TYW1B: variants seen among roughly 807,000 people sequenced by gnomAD.
TYW1B encodes S-adenosyl-L-methionine-dependent tRNA 4-demethylwyosine synthase TYW1B.
Under a neutral mutation model 86.9 loss-of-function variants are expected in TYW1B, and 73 were observed. The observed-to-expected ratio is 0.84, with a 90% CI of 0.70 to 1.02. The LOEUF (loss-of-function observed/expected upper bound fraction) is 1.02. TYW1B is among the 50% of genes least tolerant of loss of function. The pLI is 0.00. For missense variants in TYW1B, 637 were observed against 827.4 expected, an observed-to-expected ratio of 0.77 and a Z score of 2.82; for synonymous variants, 248 against 292.8, an observed-to-expected ratio of 0.85 and a Z score of 1.56.
At chr7:72,689,484 C>T (rs1814088655) in intron 11 of TYW1B, among the ~76,000 whole-genome samples, 1 of 152,102 alleles carries the variant, frequency 6.6e-6, no homozygotes, top group Non-Finnish European at 1.5e-5. Flanking sequence ...GTGCTAAGGA[C>T]AGAAAATGTG....
chr7:72,585,189 C>T (rs1312786799), intron 13 of TYW1B, among the ~76,000 whole-genome samples: 1 of 152,190 alleles, frequency 6.6e-6, no homozygotes, highest in Non-Finnish European at 1.5e-5. Context: ...TTGTATCATT[C>T]AGCTGGCCCC....
intron 10 of TYW1B, among the ~76,000 whole-genome samples, chr7:72,704,814 C>A (rs1323409276): frequency 6.6e-6 from 1 of 151,966 alleles, no homozygotes; most frequent in Non-Finnish European, 1.5e-5. Context: ...CAGAAAGACA[C>A]CAGGAGATCC....
intron 13 of TYW1B, among the ~76,000 whole-genome samples, chr7:72,583,543 GTTT>G: frequency 7.1e-6 from 1 of 140,112 alleles, no homozygotes; most frequent in East Asian, 2.0e-4. Context: ...GCTGTTTTTT[GTTT>G]TTGTTTTGTT....
chr7:72,626,605 C>T lies in TYW1B; in HGVS notation c.1617+2282G>A, dbSNP rs1303550831. ...TTTCCTGTATCTCAGCAAACAGTTT[C>T]GCCATCCACGCAATGGCTTAAGCCA... On this transcript the variant is annotated intron_variant, in intron 12 of 13. Coordinates refer to ENST00000620995, the MANE Select transcript of TYW1B (RefSeq NM_001145440.3). Among the ~76,000 whole-genome samples, 10 of 152,154 alleles carry T rather than the reference C, an allele frequency of 6.6e-5. No individual in the cohort carries two copies. In the South Asian group the frequency reaches 1.4e-3, roughly 22 times the overall value.
intron 13 of TYW1B, among the ~76,000 whole-genome samples, chr7:72,600,414 G>A (rs545984682): frequency 3.5e-4 from 54 of 152,158 alleles, no homozygotes; most frequent in African/African-American, 1.2e-3. Flanking sequence ...AAAATAGCAC[G>A]GGAGGAAATC....
intron 12 of TYW1B, among the ~76,000 whole-genome samples, chr7:72,626,946 A>T (rs1812362538): frequency 6.6e-6 from 1 of 151,848 alleles, no homozygotes; most frequent in Admixed American, 6.6e-5. Flanking sequence ...AAAGCTTACC[A>T]TCAAACTTAG....
intron 12 of TYW1B, among the ~76,000 whole-genome samples, chr7:72,626,600 A>G (rs1585858265): frequency 6.6e-6 from 1 of 152,188 alleles, no homozygotes; most frequent in East Asian, 1.9e-4. Context: ...CTCAGCAAAC[A>G]GTTTCGCCAT....
Position 72,763,282 on chromosome 7 carries a change from C to CT in TYW1B, c.964+14133dup, listed in dbSNP as rs1328471948. On this transcript the variant is annotated intron_variant, in intron 7 of 13. Transcript: ENST00000620995. ...AAGGTTTTGTTTTTTCTTTTCTTTT[C>CT]TTTTTTTTTTTTTTTTTGAGATGGA... Among the ~76,000 whole-genome samples the CT allele has an allele frequency of 1.5e-3, 172 of 118,396 alleles. 1 individual carries two copies. The highest frequency in any genetic ancestry group is 1.8e-3 in the African/African-American group (56 of 31,706). 77.7% of individuals were successfully genotyped at this position (118,396 alleles called of 152,430 possible).
chr7:72,662,418 T>TACAG lies in TYW1B; in HGVS notation c.1506+32268_1506+32269insCTGT, dbSNP rs1293459145. 1.7e-3 allele frequency among the ~76,000 whole-genome samples: 83 copies of TACAG among 49,388 alleles called. 1 individual carries two copies. Among genetic ancestry groups the TACAG allele is most frequent in the African/African-American group, 4.5e-3 (63 of 13,902 alleles). 32.4% of individuals were successfully genotyped at this position (49,388 alleles called of 152,430 possible). A position where few individuals can be genotyped will look rare whatever the true frequency, so the allele number is the denominator to read the frequency against. ...ATGATATATCCCTTCAGGTTTTTAA[T>TACAG]ATATATATATAGATAGATAGATAGA... On this transcript the variant is annotated intron_variant, in intron 11 of 13. Transcript: ENST00000620995.
chr7:72,822,314 G>GA (rs797027019), intron 2 of TYW1B, among the ~76,000 whole-genome samples: 306 of 150,240 alleles, frequency 2.0e-3, no homozygotes, highest in African/African-American at 6.8e-3. Context: ...AATGAAAAGG[G>GA]AAAAAAAATT....
chr7:72,666,974 G>A (rs1379323231), intron 11 of TYW1B, among the ~76,000 whole-genome samples: 3 of 130,392 alleles, frequency 2.3e-5, no homozygotes, highest in Non-Finnish European at 4.7e-5. Context: ...GGAGCTTGCA[G>A]TGAGCCGAGA....
At chr7:72,681,777 G>A in intron 11 of TYW1B, among the ~76,000 whole-genome samples, 1 of 150,478 alleles carries the variant, frequency 6.6e-6, no homozygotes, top group Non-Finnish European at 1.5e-5. Flanking sequence ...AGTAGAGACG[G>A]GGTTTCACCG....
At chr7:72,600,175 T>C (rs1411824313) in intron 13 of TYW1B, among the ~76,000 whole-genome samples, 3 of 152,118 alleles carry the variant, frequency 2.0e-5, no homozygotes, top group East Asian at 1.9e-4. Context: ...AACAGACACA[T>C]AGATCAATGC....
At chr7:72,769,160 C>A in intron 7 of TYW1B, 1 of 457,622 alleles carries the variant, frequency 2.2e-6, no homozygotes, top group East Asian at 6.9e-5. Flanking sequence ...ATGTGTGCTG[C>A]ATTGGAACTG....
At chr7:72,706,344 T>C (rs1436074586) in intron 10 of TYW1B, among the ~76,000 whole-genome samples, 1 of 149,188 alleles carries the variant, frequency 6.7e-6, no homozygotes, top group Admixed American at 6.8e-5. Flanking sequence ...GGAGAATCAC[T>C]TGAACCCGGG....
At chr7:72,785,809 C>G (rs1334063244) in intron 6 of TYW1B, among the ~76,000 whole-genome samples, 1 of 151,978 alleles carries the variant, frequency 6.6e-6, no homozygotes, top group Non-Finnish European at 1.5e-5. Flanking sequence ...TGTGAGCCAG[C>G]CCCAAAGAAA....
At chr7:72,696,977 C>A (rs1814335060) in intron 10 of TYW1B, among the ~76,000 whole-genome samples, 1 of 148,442 alleles carries the variant, frequency 6.7e-6, no homozygotes, top group South Asian at 2.2e-4. Context: ...CACCCCTTTG[C>A]TGAGTGCCTC....
intron 10 of TYW1B, among the ~76,000 whole-genome samples, chr7:72,709,523 C>A (rs574359956): frequency 6.6e-6 from 1 of 152,196 alleles, no homozygotes; most frequent in South Asian, 2.1e-4. Flanking sequence ...AAAAAATTAG[C>A]TGGGGGTGGT....
At chr7:72,676,187 TA>T (rs1813731404) in intron 11 of TYW1B, among the ~76,000 whole-genome samples, 1 of 152,124 alleles carries the variant, frequency 6.6e-6, no homozygotes, top group African/African-American at 2.4e-5. Context: ...TGCTAAAAGA[TA>T]ATAAAAATAT....
Sources: gnomAD v4.1 joint callset for allele counts (sites outside exome capture counted in the v4.1 genomes callset) on GRCh38, gnomAD v4.1.1 for gene constraint, MANE v1.5 for transcripts, NCBI Gene and HGNC (gene_info 2026-07-23, HGNC 2026-07-21) for gene names.